YEATS2: variants seen among roughly 807,000 people sequenced by gnomAD.
YEATS2 encodes YEATS domain-containing protein 2.
YEATS2 carries 77 observed loss-of-function variants against 163.2 expected under a neutral mutation model. The observed-to-expected ratio is 0.47, with a 90% CI of 0.39 to 0.57. The LOEUF is 0.57. Among genes scored for constraint, YEATS2 ranks in the 20% least tolerant of loss-of-function variants. YEATS2 has a pLI of 0.00. For synonymous variants in YEATS2, 631 were observed against 645.1 expected (o/e 0.98, Z 0.33); for missense variants, 1,549 against 1,729.8 (o/e 0.90, Z 1.85).
chr3:183,791,497 A>G (rs536622860), intron 21 of YEATS2, among the ~76,000 whole-genome samples: 1 of 152,212 alleles, frequency 6.6e-6, no homozygotes, highest in Non-Finnish European at 1.5e-5. Context: ...GAAAGTTACT[A>G]TTTGAATTTT....
intron 16 of YEATS2, among the ~76,000 whole-genome samples, chr3:183,773,288 C>T (rs750842408): frequency 4.6e-5 from 7 of 152,084 alleles, no homozygotes; most frequent in African/African-American, 1.2e-4. Flanking sequence ...TTTCATTAAT[C>T]GTCCAAACCA....
chr3:183,799,864 A>T (rs1264429533), intron 23 of YEATS2, among the ~76,000 whole-genome samples: 1 of 127,324 alleles, frequency 7.9e-6, no homozygotes, highest in Non-Finnish European at 1.6e-5. Context: ...ATGGAGTCTC[A>T]CTCTGTCACC....
chr3:183,776,339 T>G (rs1245983144), intron 18 of YEATS2, among the ~76,000 whole-genome samples: 1 of 151,784 alleles, frequency 6.6e-6, no homozygotes, highest in Non-Finnish European at 1.5e-5. Context: ...AGCCCAGGAG[T>G]TCGAGACCAA....
chr3:183,793,620 T>TC (rs1724874594), intron 21 of YEATS2: 1 of 255,702 alleles, frequency 3.9e-6, no homozygotes, highest in Non-Finnish European at 6.0e-6. Flanking sequence ...TTTTTTTTTT[T>TC]TTTTTTTTTG....
intron 1 of YEATS2, among the ~76,000 whole-genome samples, chr3:183,698,638 A>T (rs975392281): frequency 6.6e-5 from 10 of 152,246 alleles, no homozygotes; most frequent in African/African-American, 2.4e-4. Context: ...GAGAAATGCC[A>T]TCAGCAATCT....
intron 8 of YEATS2, among the ~76,000 whole-genome samples, chr3:183,737,809 G>T (rs1022617174): frequency 1.3e-5 from 2 of 152,178 alleles, no homozygotes; most frequent in African/African-American, 2.4e-5. Flanking sequence ...GTGAAACACA[G>T]AGTACAGGCA....
intron 1 of YEATS2, among the ~76,000 whole-genome samples, chr3:183,705,940 T>C (rs752394502): frequency 4.6e-5 from 7 of 151,416 alleles, no homozygotes; most frequent in African/African-American, 1.2e-4. Flanking sequence ...CTCGGGAGGC[T>C]GAGGCAGGAG....
In YEATS2 at chr3:183,810,459, T is replaced by A; in HGVS notation, c.4161-16T>A. 13 of 1,604,404 alleles carry A rather than the reference T, an allele frequency of 8.1e-6. No individual in the cohort carries two copies. The highest frequency in any genetic ancestry group is 1.1e-5 in the Non-Finnish European group (13 of 1,171,436). ...AGAGAATTTCACCTGGTAACACCCT[T>A]TGTTTTTTGGACCAGGATTCCCAAA... is the stretch of plus-strand genomic sequence containing the variant. On this transcript the variant is annotated splice_polypyrimidine_tract_variant and intron_variant, in intron 30 of 30. Transcript: ENST00000305135.
At chr3:183,722,969 A>T (rs13318577) in intron 5 of YEATS2, among the ~76,000 whole-genome samples, 1 of 152,122 alleles carries the variant, frequency 6.6e-6, no homozygotes, top group Non-Finnish European at 1.5e-5. Flanking sequence ...GAGTGTTTCT[A>T]ATTTTACAGC....
chr3:183,736,849 C>T lies in YEATS2; in HGVS notation c.924+20C>T. On this transcript the variant is annotated intron_variant, in intron 8 of 30. Coordinates refer to ENST00000305135, the MANE Select transcript of YEATS2 (RefSeq NM_018023.5). The stretch of plus-strand genomic sequence containing the variant: ...CTGAAGGTATTGTAACAAAACATTG[C>T]TCCCTAGTTTTGAAGTCTCTTTTTA... The T allele has an allele frequency of 6.3e-7, 1 of 1,592,590 alleles. No homozygotes were observed. Among genetic ancestry groups the T allele is most frequent in the Non-Finnish European group, 8.6e-7 (1 of 1,164,440 alleles).
chr3:183,787,558 G>A (rs1033792556), intron 20 of YEATS2, among the ~76,000 whole-genome samples: 7 of 151,888 alleles, frequency 4.6e-5, no homozygotes, highest in South Asian at 4.1e-4. Flanking sequence ...TCTTTTAATC[G>A]TTGAAGTGTA....
chr3:183,801,259 ATTTTCT>A (rs1725639573), intron 24 of YEATS2, 190 bp from the exon 25 acceptor site: 3 of 442,382 alleles, frequency 6.8e-6, no homozygotes, highest in South Asian at 4.4e-5. Flanking sequence ...TAGTCTTGAC[ATTTTCT>A]TTTTAAGCAT....
chr3:183,808,245 G>A, intron 29 of YEATS2, 141 bp downstream of exon 29: 1 of 649,636 alleles, frequency 1.5e-6, no homozygotes, highest in Non-Finnish European at 2.5e-6. Context: ...CTCTCTTTTT[G>A]TTTTTTTGTT....
chr3:183,699,751 G>A (rs1713866946), intron 1 of YEATS2, among the ~76,000 whole-genome samples: 1 of 152,130 alleles, frequency 6.6e-6, no homozygotes. Flanking sequence ...CTACCAAAAT[G>A]GCATGTATCA....
intron 27 of YEATS2, among the ~76,000 whole-genome samples, chr3:183,804,726 G>A (rs947531113): frequency 2.0e-5 from 3 of 152,188 alleles, no homozygotes; most frequent in Admixed American, 2.0e-4. Context: ...CGTGGCTCAC[G>A]CCTGTAATCC....
chr3:183,764,216 C>A (rs756516325), intron 15 of YEATS2, among the ~76,000 whole-genome samples: 14 of 151,618 alleles, frequency 9.2e-5, no homozygotes, highest in East Asian at 5.8e-4. Context: ...ACCAAAAATA[C>A]AAGAATTAGG....
chr3:183,800,394 T>C (rs1429506152), intron 23 of YEATS2, 72 bp from the exon 24 acceptor site: 4 of 1,108,400 alleles, frequency 3.6e-6, no homozygotes, highest in Non-Finnish European at 5.4e-6. Flanking sequence ...TGTAAGAGCT[T>C]TGTTTGTGCC....
chr3:183,802,250 T>C (rs980755048), intron 25 of YEATS2: 1 of 152,644 alleles, frequency 6.6e-6, no homozygotes, highest in African/African-American at 2.4e-5. Context: ...AAGACCACCA[T>C]GCACACTCAG....
intron 10 of YEATS2, among the ~76,000 whole-genome samples, chr3:183,752,506 A>G (rs1312783769): frequency 6.6e-6 from 1 of 151,910 alleles, no homozygotes; most frequent in African/African-American, 2.4e-5. Context: ...TCAGGAGATT[A>G]AGACCATCCT....
Sources: gnomAD v4.1 joint callset for allele counts (sites outside exome capture counted in the v4.1 genomes callset) on GRCh38, gnomAD v4.1.1 for gene constraint, MANE v1.5 for transcripts, NCBI Gene and HGNC (gene_info 2026-07-23, HGNC 2026-07-21) for gene names.